DDB1: variants seen among roughly 807,000 people sequenced by gnomAD.
DDB1 encodes the protein DNA damage-binding protein 1.
In DDB1, 18 loss-of-function variants were observed where a neutral mutation model predicts 133.1. The ratio of observed to expected loss-of-function variants is 0.14; its 90% CI spans 0.09 to 0.20. The LOEUF (loss-of-function observed/expected upper bound fraction) is 0.20. Among genes scored for constraint, DDB1 ranks in the 10% least tolerant of loss-of-function variants. The pLI is 1.00. For missense variants in DDB1, 828 were observed against 1,459.2 expected, an observed-to-expected ratio of 0.57 and a Z score of 7.05; for synonymous variants, 580 against 550.5, an observed-to-expected ratio of 1.05 and a Z score of -0.75.
intron 18 of DDB1, 77 bp downstream of exon 18, chr11:61,311,707 G>GC: frequency 7.5e-7 from 1 of 1,329,794 alleles, no homozygotes; most frequent in Non-Finnish European, 1.0e-6. Context: ...AAAGCCGAAA[G>GC]CCTTCACTAC....
In DDB1 at chr11:61,332,930, G is replaced by T; in HGVS notation, c.39C>A (p.Thr13=). 1 of 1,512,050 alleles carries T rather than the reference G, an allele frequency of 6.6e-7. No individual in the cohort carries two copies. Among genetic ancestry groups the T allele is most frequent in the Non-Finnish European group, 8.9e-7 (1 of 1,124,232 alleles). The allele number at this position is 1,512,050 out of a possible 1,614,324, so 93.7% of individuals were successfully genotyped here. Residue 13 remains threonine (T), a synonymous_variant, in exon 1 of 27, where the codon ACC becomes ACA. Coordinates refer to ENST00000301764, the MANE Select transcript of DDB1 (RefSeq NM_001923.5). ...YNYVVTAQKP[T]AVNGCVTGHF... is the part of the protein sequence containing the mutation. ...CACCGGTCACGCAGCCGTTCACGGC[G>T]GTGGGCTTCTGGGCCGTTACCACGT...
Position 61,316,976 on chromosome 11 carries a change from T to TATATACAC in DDB1, c.1226-410_1226-409insGTGTATAT, listed in dbSNP as rs1484692624. On this transcript the variant is annotated intron_variant, in intron 10 of 26. Transcript: ENST00000301764. ...ATATATATATATATATATATATATA[T>TATATACAC]ATATATATATATATATATATATAGA... Among the ~76,000 whole-genome samples, 2 of 56,616 alleles carry TATATACAC rather than the reference T, an allele frequency of 3.5e-5. 1 individual carries two copies. Among genetic ancestry groups the TATATACAC allele is most frequent in the Non-Finnish European group, 7.6e-5 (2 of 26,388 alleles). 37.1% of individuals were successfully genotyped at this position (56,616 alleles called of 152,430 possible). A position where few individuals can be genotyped will look rare whatever the true frequency, so the allele number is the denominator to read the frequency against.
intron 10 of DDB1, among the ~76,000 whole-genome samples, chr11:61,320,919 T>G (rs182223458): frequency 6.6e-6 from 1 of 152,162 alleles, no homozygotes; most frequent in African/African-American, 2.4e-5. Context: ...AAGGTCTCAT[T>G]GTCGCCCAAA....
chr11:61,300,776 G>A (rs1274055173), intron 26 of DDB1, 33 bp downstream of exon 26: 13 of 1,613,242 alleles, frequency 8.1e-6, no homozygotes, highest in Non-Finnish European at 1.1e-5. Context: ...CAGTGGACTT[G>A]TCTGGCCCAG....
chr11:61,311,306 CATAACATAACAT>C (rs1565240885), intron 18 of DDB1: 2 of 148,900 alleles, frequency 1.3e-5, no homozygotes, highest in African/African-American at 5.3e-5. Flanking sequence ...CATAACATAA[CATAACATAACAT>C]AACACATAAC....
Position 61,325,482 on chromosome 11 carries a change from C to G in DDB1, c.762+129G>C. 12 of 743,192 alleles carry G rather than the reference C, an allele frequency of 1.6e-5. No individual in the cohort carries two copies. The South Asian group carries it at 2.2e-4, about 14-fold the overall frequency. The allele number at this position is 743,192 out of a possible 1,614,324, so 46.0% of individuals were successfully genotyped here. On this transcript the variant is annotated intron_variant, in intron 6 of 26. Coordinates refer to ENST00000301764, the MANE Select transcript of DDB1 (RefSeq NM_001923.5). ...TGTATTCCCAATGGCCAACGCAATACCTTATATACATAGTAAATTGTGTAA... is the reference window on the plus strand; with the variant it reads ...TGTATTCCCAATGGCCAACGCAATAGCTTATATACATAGTAAATTGTGTAA...
intron 5 of DDB1, among the ~76,000 whole-genome samples, chr11:61,326,497 T>C (rs1856272762): frequency 6.6e-6 from 1 of 152,152 alleles, no homozygotes; most frequent in Non-Finnish European, 1.5e-5. Context: ...CTCATTTCCA[T>C]ATGCCACTGT....
chr11:61,316,694 G>A, intron 10 of DDB1, 127 bp from the exon 11 acceptor site: 1 of 985,034 alleles, frequency 1.0e-6, no homozygotes, highest in Admixed American at 1.9e-5. Context: ...GGCAGAGGCA[G>A]GAGGACTGCT....
chr11:61,322,295 C>T lies in DDB1; in HGVS notation c.1122+1G>A. On this transcript the variant is annotated splice_donor_variant, in intron 9 of 26. Transcript: ENST00000301764. LOFTEE classifies it high-confidence loss of function. ...CTATCCACTTTCAGAATGGCCCTTA[C>T]CTGCCCCTGCCCCTGCCTCTCCAGG... The T allele has an allele frequency of 6.2e-7, 1 of 1,613,262 alleles. No individual in the cohort carries two copies. The highest frequency in any genetic ancestry group is 8.5e-7 in the Non-Finnish European group (1 of 1,179,226).
chr11:61,321,970 G>A lies in DDB1; in HGVS notation c.1123-273C>T, dbSNP rs1257432561. 1.1e-5 allele frequency: 6 copies of A among 545,274 alleles called. No homozygotes were observed. The African/African-American group carries it at 1.1e-4, about 10-fold the overall frequency. The allele number at this position is 545,274 out of a possible 1,614,324, so 33.8% of individuals were successfully genotyped here. A position where few individuals can be genotyped will look rare whatever the true frequency, so the allele number is the denominator to read the frequency against. On this transcript the variant is annotated intron_variant, in intron 9 of 26. Coordinates refer to ENST00000301764, the MANE Select transcript of DDB1 (RefSeq NM_001923.5). ...ACCTAGTTTACTAGAATGAGCACAG[G>A]ATCTGTTAGATACACCTGCCACTTA...
At chr11:61,324,329 G>A (rs1856234552) in intron 6 of DDB1, 192 bp from the exon 7 acceptor site, 1 of 573,794 alleles carries the variant, frequency 1.7e-6, no homozygotes, top group Non-Finnish European at 3.1e-6. Context: ...TTATTTTGAA[G>A]ATAATTTTCT....
rs1287545192 is a variant in DDB1, at chr11:61,329,421, A to G, written c.491T>C (p.Val164Ala). 2.5e-6 allele frequency: 4 copies of G among 1,614,248 alleles called. No individual in the cohort carries two copies. The highest frequency in any genetic ancestry group is 3.4e-6 in the Non-Finnish European group (4 of 1,180,048). Residue 164 changes from valine to alanine, a missense_variant, in exon 4 of 27, where the codon GTC becomes GCC. By Grantham distance (64) the Val-to-Ala change is moderately conservative. Around this residue, in one of 7 missense-constraint regions of DDB1, gnomAD observed 210 missense variants for 344.8 expected, o/e 0.61. Coordinates refer to ENST00000301764, the MANE Select transcript of DDB1 (RefSeq NM_001923.5). ...ACCATATAGGAACTTGACATCAATG[A>G]CATGCAGCTCCTCCAGGCGGATGTT... is the stretch of plus-strand genomic sequence containing the variant. ...AFNIRLEELH[V>A]IDVKFLYGCQ...
intron 5 of DDB1, chr11:61,326,049 G>T: frequency 2.9e-6 from 1 of 347,384 alleles, no homozygotes. Context: ...TTTTTTTCCT[G>T]GTTTCCACTC....
At chr11:61,322,922 A>G (rs1856206366) in intron 8 of DDB1, 89 bp downstream of exon 8, 1 of 1,012,026 alleles carries the variant, frequency 9.9e-7, no homozygotes, top group East Asian at 2.6e-5. Context: ...TAAAATGGAG[A>G]GATTCTGAGA....
At chr11:61,324,445 T>C (rs1190636209) in intron 6 of DDB1, 1 of 265,570 alleles carries the variant, frequency 3.8e-6, no homozygotes, top group African/African-American at 2.2e-5. Context: ...TACTGAACTA[T>C]GCATGCTACT....
At chr11:61,319,621 G>A (rs990901919) in intron 10 of DDB1, among the ~76,000 whole-genome samples, 25 of 152,132 alleles carry the variant, frequency 1.6e-4, no homozygotes, top group African/African-American at 5.5e-4. Flanking sequence ...TAGTAGAGAT[G>A]GGGTTTCACC....
chr11:61,309,210 A>C, intron 20 of DDB1, 133 bp from the exon 21 acceptor site: 2 of 760,044 alleles, frequency 2.6e-6, no homozygotes, highest in Non-Finnish European at 4.5e-6. Context: ...ACACAGACTC[A>C]GTATCTACTG....
At chr11:61,302,850 G>C (rs1388101492) in intron 23 of DDB1, 99 bp from the exon 24 acceptor site, 2 of 1,490,990 alleles carry the variant, frequency 1.3e-6, no homozygotes, top group African/African-American at 1.4e-5. Flanking sequence ...AATTTCCCTG[G>C]GGAGCTGACA....
At chr11:61,313,110 G>A (rs924634598) in intron 16 of DDB1, among the ~76,000 whole-genome samples, 25 of 152,220 alleles carry the variant, frequency 1.6e-4, no homozygotes, top group African/African-American at 6.0e-4. Context: ...ACCATGCCCA[G>A]CCAGAGAATC....
Sources: allele counts gnomAD v4.1 joint callset (sites outside exome capture counted in the v4.1 genomes callset), GRCh38; gene constraint gnomAD v4.1.1; regional missense constraint gnomAD v4.1.1; transcripts MANE v1.5; gene names NCBI Gene and HGNC (gene_info 2026-07-23, HGNC 2026-07-21).